NSG2: variants seen among roughly 807,000 people sequenced by gnomAD.
NSG2 encodes the protein neuronal vesicle trafficking-associated protein 2.
NSG2 carries 4 observed loss-of-function variants against 16.9 expected under a neutral mutation model. That is an observed-to-expected ratio of 0.24 (90% CI 0.12 to 0.54). The LOEUF (loss-of-function observed/expected upper bound fraction) is 0.54. Ranked by LOEUF, NSG2 falls within the 20% of genes least tolerant of loss-of-function variation. The pLI, the probability that NSG2 is intolerant of heterozygous loss-of-function variation, is 0.95. For missense variants in NSG2, 179 were observed against 221.1 expected, an observed-to-expected ratio of 0.81 and a Z score of 1.21; for synonymous variants, 98 against 88.7, an observed-to-expected ratio of 1.11 and a Z score of -0.59.
chr5:174,067,088 G>A (rs1435304636), intron 3 of NSG2, among the ~76,000 whole-genome samples: 1 of 151,196 alleles, frequency 6.6e-6, no homozygotes, highest in Middle Eastern at 3.2e-3. Context: ...GTAAAATAGA[G>A]ATTAAGATTG....
At chr5:174,099,863 A>G (rs1760871926) in intron 3 of NSG2, among the ~76,000 whole-genome samples, 1 of 151,600 alleles carries the variant, frequency 6.6e-6, no homozygotes, top group South Asian at 2.1e-4. Context: ...CCCTGTGCTG[A>G]TGGCCTCAGT....
chr5:174,092,019 A>T (rs1760728252), intron 3 of NSG2, among the ~76,000 whole-genome samples: 1 of 152,216 alleles, frequency 6.6e-6, no homozygotes, highest in African/African-American at 2.4e-5. Context: ...CAGAAGCCAG[A>T]CAAAGGATTT....
chr5:174,057,255 T>G (rs571869574), intron 2 of NSG2, among the ~76,000 whole-genome samples: 66 of 152,348 alleles, frequency 4.3e-4, no homozygotes, highest in African/African-American at 1.6e-3. Flanking sequence ...TGCTCCATTT[T>G]CTTTTAACTG....
intron 3 of NSG2, among the ~76,000 whole-genome samples, chr5:174,095,137 G>A (rs1030137229): frequency 1.5e-4 from 23 of 152,200 alleles, no homozygotes; most frequent in African/African-American, 4.6e-4. Context: ...AGTTCATACG[G>A]CAGTCTTCCT....
chr5:174,081,155 A>G (rs934306657), intron 3 of NSG2, among the ~76,000 whole-genome samples: 5 of 149,130 alleles, frequency 3.4e-5, no homozygotes, highest in African/African-American at 1.2e-4. Flanking sequence ...TTGATTCTTT[A>G]TGTTTATAAG....
chr5:174,083,431 A>G (rs941718343), intron 3 of NSG2, among the ~76,000 whole-genome samples: 19 of 152,192 alleles, frequency 1.2e-4, no homozygotes, highest in African/African-American at 3.4e-4. Context: ...GCTGCAGGAG[A>G]TGATGGAACA....
At chr5:174,097,885 C>T (rs368658677) in intron 3 of NSG2, among the ~76,000 whole-genome samples, 1 of 151,552 alleles carries the variant, frequency 6.6e-6, no homozygotes. Context: ...GTGTGTCTGT[C>T]TCTCTGGTCT....
chr5:174,106,639 C>T (rs188642149), intron 4 of NSG2, among the ~76,000 whole-genome samples: 2,064 of 140,788 alleles, frequency 0.015, 26 homozygotes, highest in Non-Finnish European at 0.021. Flanking sequence ...CTGTCGCCCA[C>T]GCTGGAGTGC....
intron 2 of NSG2, among the ~76,000 whole-genome samples, chr5:174,047,907 C>G: frequency 6.6e-6 from 1 of 152,192 alleles, no homozygotes; most frequent in East Asian, 1.9e-4. Context: ...TGGATCATTC[C>G]ATCTGTTTGA....
intron 3 of NSG2, among the ~76,000 whole-genome samples, chr5:174,092,703 C>T (rs935419925): frequency 2.0e-5 from 3 of 152,178 alleles, no homozygotes; most frequent in Non-Finnish European, 4.4e-5. Flanking sequence ...CTTGCTTGTA[C>T]CTCATGATAG....
At chr5:174,069,678 T>C (rs1760201582) in intron 3 of NSG2, among the ~76,000 whole-genome samples, 2 of 152,242 alleles carry the variant, frequency 1.3e-5, no homozygotes, top group African/African-American at 4.8e-5. Flanking sequence ...TAGCTTCCTG[T>C]CTAATTAGCT....
chr5:174,104,266 G>A lies in NSG2; in HGVS notation c.252G>A (p.Ala84=), dbSNP rs754250787. 4.8e-5 allele frequency: 78 copies of A among 1,614,114 alleles called. No individual in the cohort carries two copies. The highest frequency in any genetic ancestry group is 5.3e-5 in the Non-Finnish European group (63 of 1,180,014). Residue 84 remains alanine (A), a synonymous_variant, in exon 4 of 5, where the codon GCG becomes GCA. Transcript: ENST00000303177. The part of the protein sequence containing the change: ...ILVSLALAFL[A]CIVFLVVYKA... ...TCAGCCTGGCCCTAGCTTTCCTTGCGTGCATCGTGTTCCTGGTGGTTTACA... is the reference window on the plus strand; with the variant it reads ...TCAGCCTGGCCCTAGCTTTCCTTGCATGCATCGTGTTCCTGGTGGTTTACA...
At chr5:174,082,785 A>G (rs924131682) in intron 3 of NSG2, among the ~76,000 whole-genome samples, 17 of 152,212 alleles carry the variant, frequency 1.1e-4, no homozygotes, top group Non-Finnish European at 1.8e-4. Context: ...ACTATGGGGT[A>G]TGGGACAGTT....
chr5:174,065,642 C>T (rs1044669153), intron 3 of NSG2, among the ~76,000 whole-genome samples: 2 of 152,090 alleles, frequency 1.3e-5, no homozygotes, highest in Admixed American at 6.5e-5. Context: ...ACACAAAAAA[C>T]GGTGGCAGAT....
At chr5:174,086,767 T>C (rs1380449573) in intron 3 of NSG2, among the ~76,000 whole-genome samples, 5 of 152,242 alleles carry the variant, frequency 3.3e-5, no homozygotes, top group Admixed American at 1.3e-4. Flanking sequence ...CTCTGGCCCA[T>C]GTTGAGTGAT....
At chr5:174,084,891 C>T (rs561511021) in intron 3 of NSG2, among the ~76,000 whole-genome samples, 4 of 152,302 alleles carry the variant, frequency 2.6e-5, no homozygotes, top group Admixed American at 6.5e-5. Context: ...GCTGGCTGTG[C>T]GTGCACTCCT....
In NSG2 at chr5:174,108,111, G is replaced by A; in HGVS notation, c.*606G>A. The stretch of plus-strand genomic sequence containing the variant: ...CACATAACCCATAGTGAAATGTGCT[G>A]GCCTCTGGTGCATTTTGCAAGATGA... On this transcript the variant is annotated 3_prime_UTR_variant, in exon 5 of 5. Transcript: ENST00000303177. 4.4e-6 allele frequency: 1 copy of A among 228,070 alleles called. No homozygotes were observed. Among genetic ancestry groups the A allele is most frequent in the Non-Finnish European group, 8.7e-6 (1 of 114,982 alleles). The allele number at this position is 228,070 out of a possible 1,614,324, so 14.1% of individuals were successfully genotyped here.
intron 2 of NSG2, among the ~76,000 whole-genome samples, chr5:174,050,256 A>G (rs1759867377): frequency 6.6e-6 from 1 of 152,204 alleles, no homozygotes; most frequent in East Asian, 1.9e-4. Context: ...TTGAAAATGT[A>G]AAATACAGAG....
intron 3 of NSG2, among the ~76,000 whole-genome samples, chr5:174,103,592 C>T (rs1004562655): frequency 6.6e-6 from 1 of 152,144 alleles, no homozygotes; most frequent in South Asian, 2.1e-4. Flanking sequence ...TAATGATCAA[C>T]TCCCCCACAT....
Sources: allele counts gnomAD v4.1 joint callset (sites outside exome capture counted in the v4.1 genomes callset), GRCh38; gene constraint gnomAD v4.1.1; transcripts MANE v1.5; gene names NCBI Gene and HGNC (gene_info 2026-07-23, HGNC 2026-07-21).